Variants in SERPINA10 observed in about 807,000 individuals in gnomAD.
The protein encoded by SERPINA10 is serpin family A member 10, also known as protein Z-dependent protease inhibitor.
In SERPINA10, 24 loss-of-function variants were observed where a neutral mutation model predicts 28.0. The observed-to-expected ratio is 0.86, with a 90% CI of 0.62 to 1.20. The LOEUF is 1.20. SERPINA10 is among the 50% of genes most tolerant of loss of function. The pLI, the probability that SERPINA10 is intolerant of heterozygous loss-of-function variation, is 0.00. For synonymous variants in SERPINA10, 207 were observed against 203.9 expected (o/e 1.02, Z -0.13); for missense variants, 521 against 537.7 (o/e 0.97, Z 0.31).
intron 4 of SERPINA10, among the ~76,000 whole-genome samples, chr14:94,285,429 G>A (rs2139692236): frequency 6.6e-6 from 1 of 150,396 alleles, no homozygotes; most frequent in South Asian, 2.1e-4. Flanking sequence ...GTATGAATCA[G>A]AAGTTACAGG....
intron 2 of SERPINA10, 28 bp from the exon 3 acceptor site, chr14:94,288,587 C>CAAAGA (rs1566718860): frequency 6.2e-7 from 1 of 1,613,950 alleles, no homozygotes; most frequent in South Asian, 1.1e-5. Flanking sequence ...GAACTCATTG[C>CAAAGA]AGAAATTCCC....
chr14:94,285,226 C>T (rs1894990169), intron 4 of SERPINA10, among the ~76,000 whole-genome samples: 1 of 152,148 alleles, frequency 6.6e-6, no homozygotes, highest in South Asian at 2.1e-4. Context: ...GAGTTTCCTA[C>T]TGGCATTAGT....
rs935579835 is a variant in SERPINA10, at chr14:94,280,946, T to A, written c.*3019A>T. 6.6e-6 allele frequency: 1 copy of A among 152,232 alleles called. No individual in the cohort carries two copies. Among genetic ancestry groups the A allele is most frequent in the Non-Finnish European group, 1.5e-5 (1 of 68,028 alleles). 9.4% of individuals were successfully genotyped at this position (152,232 alleles called of 1,614,324 possible). Reference sequence around the variant, plus strand: ...GAGCTTGAATATCTTAGTCTGGAGATGAGTCAGTTTTGCCATACAATTAGT... The same window carrying A: ...GAGCTTGAATATCTTAGTCTGGAGAAGAGTCAGTTTTGCCATACAATTAGT... On this transcript the variant is annotated 3_prime_UTR_variant, in exon 5 of 5. Coordinates refer to ENST00000261994, the MANE Select transcript of SERPINA10 (RefSeq NM_001100607.3).
At position 94,283,574 on chromosome 14, in the gene SERPINA10, A is replaced by T. The variant is rs868668257; in HGVS notation, c.*391T>A. On this transcript the variant is annotated 3_prime_UTR_variant, in exon 5 of 5. Transcript: ENST00000261994. ...TCCACACTGTCTATGCTCCTCGCCC[A>T]TGAGTCACTTAGTAGCCTTCTCTAT... The T allele has an allele frequency of 7.0e-6, 2 of 284,364 alleles. No homozygotes were observed. The highest frequency in any genetic ancestry group is 4.4e-5 in the African/African-American group (2 of 45,278). The allele number at this position is 284,364 out of a possible 1,614,324, so 17.6% of individuals were successfully genotyped here.
In SERPINA10 at chr14:94,290,629, C is replaced by A; in HGVS notation, c.-36G>T. Reference sequence around the variant, plus strand: ...GCGGAGGCCAAGGAGTGCCTCCCTTCAGCTGCAAGACTTCCTGTGGAGAGG... The same window carrying A: ...GCGGAGGCCAAGGAGTGCCTCCCTTAAGCTGCAAGACTTCCTGTGGAGAGG... On this transcript the variant is annotated 5_prime_UTR_variant, in exon 2 of 5. Transcript: ENST00000261994. 6.2e-7 allele frequency: 1 copy of A among 1,609,934 alleles called. No homozygotes were observed.
chr14:94,286,187 A>G lies in SERPINA10; in HGVS notation c.1064T>C (p.Met355Thr). 4 of 1,614,176 alleles carry G rather than the reference A, an allele frequency of 2.5e-6. No homozygotes were observed. Among genetic ancestry groups the G allele is most frequent in the Non-Finnish European group, 3.4e-6 (4 of 1,180,026 alleles). Residue 355 changes from methionine to threonine, a missense_variant, in exon 4 of 5, where the codon ATG (methionine) becomes ACG (threonine). By Grantham distance (81) the Met-to-Thr change is moderately conservative. Coordinates refer to ENST00000261994, the MANE Select transcript of SERPINA10 (RefSeq NM_001100607.3). ...KYEMHELLRQ[M>T]GIRRIFSPFA... ...GGGTGAGAAGATTCTTCTGATTCCC[A>G]TCTGCCTAAGCAGCTCATGCATCTC...
At position 94,283,500 on chromosome 14, in the gene SERPINA10, G is replaced by A. The variant is rs933236927; in HGVS notation, c.*465C>T. On this transcript the variant is annotated 3_prime_UTR_variant, in exon 5 of 5. Coordinates refer to ENST00000261994, the MANE Select transcript of SERPINA10 (RefSeq NM_001100607.3). ...GAGTAGTGGGATGGAATCTTGCATT[G>A]TCCTGCTCTGTCCCACCCAGGATGT... The A allele has an allele frequency of 1.6e-5, 3 of 190,764 alleles. No individual in the cohort carries two copies. The highest frequency in any genetic ancestry group is 1.3e-4 in the East Asian group (1 of 7,454). 11.8% of individuals were successfully genotyped at this position (190,764 alleles called of 1,614,324 possible). A position where few individuals can be genotyped will look rare whatever the true frequency, so the allele number is the denominator to read the frequency against.
intron 3 of SERPINA10, 116 bp from the exon 4 acceptor site, chr14:94,286,374 A>G (rs1895025581): frequency 8.9e-7 from 1 of 1,129,862 alleles, no homozygotes; most frequent in Non-Finnish European, 1.3e-6. Flanking sequence ...CTTTCAGTTG[A>G]CTATGTAGTT....
Position 94,290,492 on chromosome 14 carries a change from AG to A in SERPINA10, c.101del (p.Pro34LeufsTer8). 1 of 1,613,246 alleles carries A rather than the reference AG, an allele frequency of 6.2e-7. No individual in the cohort carries two copies. The highest frequency in any genetic ancestry group is 8.5e-7 in the Non-Finnish European group (1 of 1,179,738). On this transcript the variant is annotated frameshift_variant, in exon 2 of 5. Transcript: ENST00000261994. LOFTEE classifies it high-confidence loss of function. ...GCACTACCCTGCTGGTCTGGTTCTG[AG>A]GGGCTGGGGTCTCTGGCGACTGAGG... ...PSPQSPETPA[P>X]QNQTSRVVQA... is the part of the protein sequence containing the mutation.
rs1012856048 is a variant in SERPINA10 at position 94,290,309 on chromosome 14, A to G, written c.285T>C (p.Asp95=). Residue 95 remains aspartate (D), a synonymous_variant, in exon 2 of 5, where the codon GAT becomes GAC. Transcript: ENST00000261994. Reference sequence around the variant, plus strand: ...CAAATGGAGAGAAGACCATGTTGCCATCGTGCCTCATGGAGATCTTTCGCA... The same window carrying G: ...CAAATGGAGAGAAGACCATGTTGCCGTCGTGCCTCATGGAGATCTTTCGCA... ...SLLRKISMRH[D]GNMVFSPFGM... 1.5e-5 allele frequency: 24 copies of G among 1,614,096 alleles called. No homozygotes were observed. The African/African-American group carries it at 2.5e-4, about 17-fold the overall frequency.
intron 2 of SERPINA10, 88 bp downstream of exon 2, chr14:94,289,788 G>A (rs770587831): frequency 1.2e-5 from 16 of 1,362,616 alleles, no homozygotes; most frequent in African/African-American, 2.9e-5. Context: ...ATCACGTAGC[G>A]TTAATCATAT....
Position 94,284,118 on chromosome 14 carries a change from G to GC in SERPINA10, c.1181dup (p.Thr395HisfsTer2). On this transcript the variant is annotated frameshift_variant, in exon 5 of 5. Coordinates refer to ENST00000261994, the MANE Select transcript of SERPINA10 (RefSeq NM_001100607.3). LOFTEE classifies it low-confidence loss of function (END_TRUNC). ...ACAAGATTCCTGCCACTGCCTCAGT[G>GC]CCCCTTTCATCAACTTCAATCACTG... The GC allele has an allele frequency of 1.2e-6, 2 of 1,614,178 alleles. No homozygotes were observed. Among genetic ancestry groups the GC allele is most frequent in the Non-Finnish European group, 1.7e-6 (2 of 1,180,020 alleles).
In SERPINA10 at chr14:94,290,642, T is replaced by C; in HGVS notation, c.-49A>G. On this transcript the variant is annotated splice_region_variant and 5_prime_UTR_variant, in exon 2 of 5. Coordinates refer to ENST00000261994, the MANE Select transcript of SERPINA10 (RefSeq NM_001100607.3). ...AGTGCCTCCCTTCAGCTGCAAGACTTCCTGTGGAGAGGAGAGGATAGAGAT... is the reference window on the plus strand; with the variant it reads ...AGTGCCTCCCTTCAGCTGCAAGACTCCCTGTGGAGAGGAGAGGATAGAGAT... 6.2e-7 allele frequency: 1 copy of C among 1,606,776 alleles called. No homozygotes were observed.
chr14:94,293,046 C>A, intron 1 of SERPINA10, 143 bp downstream of exon 1: 1 of 244,744 alleles, frequency 4.1e-6, no homozygotes, highest in Non-Finnish European at 8.4e-6. Flanking sequence ...TATGTACAGT[C>A]CCTGTGGAGT....
Position 94,290,554 on chromosome 14 carries a change from C to G in SERPINA10, c.40G>C (p.Ala14Pro). The G allele has an allele frequency of 6.2e-7, 1 of 1,613,610 alleles. No individual in the cohort carries two copies. The highest frequency in any genetic ancestry group is 8.5e-7 in the Non-Finnish European group (1 of 1,179,864). The change falls in exon 2 of 5, where the codon GCA becomes CCA. Residue 14 changes from alanine (A) to proline (P), a missense_variant. Coordinates refer to ENST00000261994, the MANE Select transcript of SERPINA10 (RefSeq NM_001100607.3). ...AAGCCGGGTACCAGCCACACCTGTG[C>G]CAGGAGGACGGAGAGCAGGAGACTT... ...VPSLLLSVLL[A>P]QVWLVPGLAP...
intron 4 of SERPINA10, among the ~76,000 whole-genome samples, chr14:94,284,843 C>G (rs999481620): frequency 6.6e-6 from 1 of 152,116 alleles, no homozygotes; most frequent in Admixed American, 6.5e-5. Context: ...CCCTGATTTC[C>G]TAGAGGAAAA....
In SERPINA10 at chr14:94,290,607, G is replaced by A. The variant is rs758214883; in HGVS notation, c.-14C>T. The A allele has an allele frequency of 5.6e-6, 9 of 1,612,294 alleles. No homozygotes were observed. Among genetic ancestry groups the A allele is most frequent in the Non-Finnish European group, 6.8e-6 (8 of 1,179,682 alleles). Reference sequence around the variant, plus strand: ...CACCACCTTCATGTGATCGGCTGCGGAGGCCAAGGAGTGCCTCCCTTCAGC... The same window carrying A: ...CACCACCTTCATGTGATCGGCTGCGAAGGCCAAGGAGTGCCTCCCTTCAGC... On this transcript the variant is annotated 5_prime_UTR_variant, in exon 2 of 5. Transcript: ENST00000261994.
chr14:94,287,400 A>G (rs1328799271), intron 3 of SERPINA10, among the ~76,000 whole-genome samples: 2 of 151,968 alleles, frequency 1.3e-5, no homozygotes, highest in Non-Finnish European at 2.9e-5. Flanking sequence ...CCCACATCCA[A>G]TCGATTAGCA....
chr14:94,291,829 A>T (rs577815814), intron 1 of SERPINA10, among the ~76,000 whole-genome samples: 2 of 152,364 alleles, frequency 1.3e-5, no homozygotes, highest in South Asian at 4.1e-4. Context: ...TGCCTGGGAC[A>T]AAACCGCCTC....
Sources: allele counts gnomAD v4.1 joint callset (sites outside exome capture counted in the v4.1 genomes callset), GRCh38; gene constraint gnomAD v4.1.1; transcripts MANE v1.5; gene names NCBI Gene and HGNC (gene_info 2026-07-23, HGNC 2026-07-21).